The following RAB27A variants were observed in gnomAD, a reference collection of about 807,000 sequenced individuals.
RAB27A encodes RAB27A, member RAS oncogene family.
In RAB27A, 17 loss-of-function variants were observed where a neutral mutation model predicts 20.8. That is an observed-to-expected ratio of 0.82 (90% CI 0.56 to 1.23). The LOEUF (loss-of-function observed/expected upper bound fraction) is 1.23. RAB27A is among the 50% of genes most tolerant of loss of function. The probability of loss-of-function intolerance (pLI) is 0.00; values close to 1 mark genes in which losing one functional copy is unlikely to be tolerated. For synonymous variants in RAB27A, 85 were observed against 92.8 expected (o/e 0.92, Z 0.48); for missense variants, 277 against 266.7 (o/e 1.04, Z -0.27).
At chr15:55,312,236 G>A (rs2055024782) in intron 2 of RAB27A, among the ~76,000 whole-genome samples, 2 of 152,328 alleles carry the variant, frequency 1.3e-5, no homozygotes, top group Non-Finnish European at 1.5e-5. Context: ...GTCTGCGACA[G>A]CGGCAAACAA....
intron 5 of RAB27A, among the ~76,000 whole-genome samples, chr15:55,226,288 T>C (rs1195207250): frequency 6.6e-6 from 1 of 152,162 alleles, no homozygotes; most frequent in East Asian, 1.9e-4. Context: ...ACTCAGCCTC[T>C]GTTCTGTCTC....
At chr15:55,290,402 A>T (rs1254215016), upstream of RAB27A, 1 of 152,256 alleles carries the variant, frequency 6.6e-6, no homozygotes, top group Non-Finnish European at 1.5e-5. Flanking sequence ...GATTCCTGGA[A>T]ATAACATGGG....
chr15:55,224,054 G>A (rs1203780312), intron 5 of RAB27A, 42 bp from the exon 6 acceptor site: 3 of 1,429,086 alleles, frequency 2.1e-6, no homozygotes, highest in African/African-American at 1.4e-5. Context: ...AAATAATAAT[G>A]TAAGTGTATG....
upstream of RAB27A, among the ~76,000 whole-genome samples, chr15:55,292,301 A>G (rs962507784): frequency 2.6e-5 from 4 of 152,246 alleles, no homozygotes; most frequent in Non-Finnish European, 5.9e-5. Context: ...TGTATTACAG[A>G]TGAGGAAACT....
intron 2 of RAB27A, among the ~76,000 whole-genome samples, chr15:55,261,607 G>T (rs1325250119): frequency 6.7e-6 from 1 of 149,322 alleles, no homozygotes; most frequent in Non-Finnish European, 1.5e-5. Flanking sequence ...TAGGCTTGGG[G>T]GCGTGTGCCC....
chr15:55,306,574 A>G (rs2054997777), intron 2 of RAB27A, among the ~76,000 whole-genome samples: 1 of 152,222 alleles, frequency 6.6e-6, no homozygotes, highest in Non-Finnish European at 1.5e-5. Context: ...TCCAACAGAC[A>G]GTGGCTCCAA....
chr15:55,308,700 T>C (rs910775235), intron 2 of RAB27A, among the ~76,000 whole-genome samples: 3 of 152,234 alleles, frequency 2.0e-5, no homozygotes, highest in Non-Finnish European at 2.9e-5. Context: ...GTTGCACAAA[T>C]GCGCAGTCGC....
chr15:55,261,825 G>C (rs1312514415), intron 2 of RAB27A, among the ~76,000 whole-genome samples: 2 of 149,342 alleles, frequency 1.3e-5, no homozygotes, highest in African/African-American at 4.9e-5. Context: ...GGATCATGAG[G>C]TCAGGAGTTC....
chr15:55,272,889 C>A (rs541158956), intron 1 of RAB27A, among the ~76,000 whole-genome samples: 4 of 152,196 alleles, frequency 2.6e-5, no homozygotes, highest in Admixed American at 2.0e-4. Flanking sequence ...TCCAGAAAGT[C>A]TCAGGGATTC....
chr15:55,276,064 A>C (rs1040268815), intron 1 of RAB27A, among the ~76,000 whole-genome samples: 1 of 152,144 alleles, frequency 6.6e-6, no homozygotes, highest in Non-Finnish European at 1.5e-5. Flanking sequence ...TGTTTTCAAA[A>C]ATTTTTTAAA....
At chr15:55,313,340 G>A (rs1325550977) in intron 2 of RAB27A, among the ~76,000 whole-genome samples, 1 of 152,236 alleles carries the variant, frequency 6.6e-6, no homozygotes, top group East Asian at 1.9e-4. Flanking sequence ...GGAGTTCAAG[G>A]TTATAGCGAG....
At chr15:55,267,127 G>T (rs563671376) in intron 2 of RAB27A, among the ~76,000 whole-genome samples, 1 of 152,270 alleles carries the variant, frequency 6.6e-6, no homozygotes, top group African/African-American at 2.4e-5. Flanking sequence ...GAAGTGGTCT[G>T]GGCCTTCTCC....
chr15:55,223,783 C>G (rs1895684264), intron 6 of RAB27A, 106 bp downstream of exon 6: 9 of 1,385,712 alleles, frequency 6.5e-6, no homozygotes, highest in Non-Finnish European at 9.1e-6. Flanking sequence ...AGGCCTATGG[C>G]TGAGGTTTTG....
At position 55,223,895 on chromosome 15, in the gene RAB27A, T is replaced by C; in HGVS notation, c.461A>G (p.Lys154Arg). 1 of 1,613,660 alleles carries C rather than the reference T, an allele frequency of 6.2e-7. No homozygotes were observed. Among genetic ancestry groups the C allele is most frequent in the Admixed American group, 1.7e-5 (1 of 60,008 alleles). ...KEEEAIALAE[K>R]YGIPYFETSA... ...TCTCCACAAAAATACTCACCCATAT[T>C]TCTCTGCGAGTGCTATGGCTTCCTC... Residue 154 changes from lysine (K) to arginine (R), a missense_variant, in exon 6 of 7, where the codon AAA becomes AGA. Physicochemically the swap from Lys to Arg is conservative, Grantham distance 26. Coordinates refer to ENST00000336787, the MANE Select transcript of RAB27A (RefSeq NM_183235.3).
In RAB27A at chr15:55,230,205, A is replaced by C. The variant is rs111960008; in HGVS notation, c.239+196T>G. Reference sequence around the variant, plus strand: ...AGAAAAAAGTCCACAAGTAAGAGTCATAACCTCTCCCTTGACCTTGTATGA... The same window carrying C: ...AGAAAAAAGTCCACAAGTAAGAGTCCTAACCTCTCCCTTGACCTTGTATGA... On this transcript the variant is annotated intron_variant, in intron 4 of 6. Coordinates refer to ENST00000336787, the MANE Select transcript of RAB27A (RefSeq NM_183235.3). Among the ~76,000 whole-genome samples, 179 of 152,372 alleles carry C rather than the reference A, an allele frequency of 1.2e-3. 2 individuals carry two copies. Among genetic ancestry groups the C allele is most frequent in the African/African-American group, 3.8e-3 (157 of 41,596 alleles).
chr15:55,267,857 C>T (rs1897558726), intron 2 of RAB27A, among the ~76,000 whole-genome samples: 1 of 152,114 alleles, frequency 6.6e-6, no homozygotes, highest in African/African-American at 2.4e-5. Flanking sequence ...GCCTAGTTGC[C>T]GTGACGCCAT....
intron 2 of RAB27A, among the ~76,000 whole-genome samples, chr15:55,240,138 T>A (rs1456647955): frequency 6.6e-6 from 1 of 152,208 alleles, no homozygotes; most frequent in Non-Finnish European, 1.5e-5. Flanking sequence ...CTGAGTAGTA[T>A]TCCTAGGGCC....
At chr15:55,209,919 T>C (rs1181183294) in intron 6 of RAB27A, among the ~76,000 whole-genome samples, 2 of 89,748 alleles carry the variant, frequency 2.2e-5, no homozygotes, top group Admixed American at 1.8e-4. Flanking sequence ...TGTATGTATA[T>C]ACACACATAT....
intron 2 of RAB27A, among the ~76,000 whole-genome samples, chr15:55,267,399 T>C (rs1362143043): frequency 6.6e-6 from 1 of 152,088 alleles, no homozygotes; most frequent in East Asian, 1.9e-4. Context: ...GCAGCAAAGA[T>C]AGCTCATTTC....
Sources: gnomAD v4.1 joint callset for allele counts (sites outside exome capture counted in the v4.1 genomes callset) on GRCh38, gnomAD v4.1.1 for gene constraint, MANE v1.5 for transcripts, NCBI Gene and HGNC (gene_info 2026-07-23, HGNC 2026-07-21) for gene names.